Variants in ACOX1 observed in about 807,000 individuals in gnomAD.
The protein encoded by ACOX1 is peroxisomal acyl-coenzyme A oxidase 1.
In ACOX1, 41 loss-of-function variants were observed where a neutral mutation model predicts 75.5. The observed-to-expected ratio is 0.54, with a 90% CI of 0.42 to 0.70. The LOEUF (loss-of-function observed/expected upper bound fraction) is 0.70, where lower values mean the gene tolerates loss of function less well. ACOX1 is among the 30% of genes least tolerant of loss of function. The pLI is 0.00. For synonymous variants in ACOX1, 303 were observed against 298.8 expected (o/e 1.01, Z -0.15); for missense variants, 630 against 837.5 (o/e 0.75, Z 3.06).
intron 2 of ACOX1, chr17:75,973,490 A>C: frequency 1.1e-6 from 1 of 941,338 alleles, no homozygotes; most frequent in Non-Finnish European, 1.7e-6. Context: ...GGAGAAAACA[A>C]GAAGTTGAAT....
rs1567870520 is a variant in ACOX1, at chr17:75,945,788, T to A, written c.*960A>T. On this transcript the variant is annotated 3_prime_UTR_variant, in exon 14 of 14. Transcript: ENST00000293217. ...TTTGTTTTTGTTTTTTCCCAGTTGTTAAAAAAAAAACAACTCACAGTTTCA... is the reference window on the plus strand; with the variant it reads ...TTTGTTTTTGTTTTTTCCCAGTTGTAAAAAAAAAAACAACTCACAGTTTCA... 6.7e-6 allele frequency: 1 copy of A among 149,352 alleles called. No homozygotes were observed. Among genetic ancestry groups the A allele is most frequent in the East Asian group, 2.0e-4 (1 of 5,092 alleles). 9.3% of individuals were successfully genotyped at this position (149,352 alleles called of 1,614,324 possible).
rs1337083450 is a variant in ACOX1, at chr17:75,953,492, G to A, written c.903C>T (p.Ile301=). 10 of 1,614,138 alleles carry A rather than the reference G, an allele frequency of 6.2e-6. No individual in the cohort carries two copies. The highest frequency in any genetic ancestry group is 8.5e-6 in the Non-Finnish European group (10 of 1,180,014). ...ACTGGTGCCTCACAGCGCTGTATCG[G>A]ATGGCAATGGTGCACGCCTTAGACA... ...RALSKACTIA[I]RYSAVRHQSE... Residue 301 remains isoleucine (I), a synonymous_variant, in exon 7 of 14, where the codon ATC becomes ATT. Transcript: ENST00000293217.
In ACOX1 at chr17:75,949,318, G is replaced by T. The variant is rs1256555093; in HGVS notation, c.1627C>A (p.Leu543Ile). 1.2e-6 allele frequency: 2 copies of T among 1,614,170 alleles called. No individual in the cohort carries two copies. Among genetic ancestry groups the T allele is most frequent in the Admixed American group, 3.3e-5 (2 of 60,020 alleles). Reference protein sequence around the residue: ...YVVVKLFSEKLLKIQDKAIQA... With the variant: ...YVVVKLFSEKILKIQDKAIQA... ...ATGGCTTTATCTTGAATTTTGAGGA[G>T]TTTTTCTGAAAAGAGCTTAACTACC... Residue 543 changes from leucine (L) to isoleucine (I), a missense_variant, in exon 12 of 14, where the codon CTC becomes ATC. Leu to Ile is a conservative substitution (Grantham distance 5). Coordinates refer to ENST00000293217, the MANE Select transcript of ACOX1 (RefSeq NM_004035.7).
chr17:75,945,953 A>C lies in ACOX1; in HGVS notation c.*795T>G, dbSNP rs2144225431. On this transcript the variant is annotated 3_prime_UTR_variant, in exon 14 of 14. Transcript: ENST00000293217. ...TCCAAGCTTTTAATGGCTTATGCCAAGATGACAGAATATGTGAAATCTGAT... is the reference window on the plus strand; with the variant it reads ...TCCAAGCTTTTAATGGCTTATGCCACGATGACAGAATATGTGAAATCTGAT... 1 of 152,320 alleles carries C rather than the reference A, an allele frequency of 6.6e-6. No individual in the cohort carries two copies. The highest frequency in any genetic ancestry group is 2.4e-5 in the African/African-American group (1 of 41,566). 9.4% of individuals were successfully genotyped at this position (152,320 alleles called of 1,614,324 possible). A position where few individuals can be genotyped will look rare whatever the true frequency, so the allele number is the denominator to read the frequency against.
At chr17:75,963,905 C>T (rs1402849496) in intron 2 of ACOX1, among the ~76,000 whole-genome samples, 9 of 150,710 alleles carry the variant, frequency 6.0e-5, no homozygotes, top group Non-Finnish European at 1.2e-4. Flanking sequence ...AAAAAAAGGC[C>T]AGGCACGGTG....
rs1194063214 is a variant in ACOX1, at chr17:75,949,359, G to A, written c.1586C>T (p.Ala529Val). 1.9e-6 allele frequency: 3 copies of A among 1,613,974 alleles called. No individual in the cohort carries two copies. Among genetic ancestry groups the A allele is most frequent in the Non-Finnish European group, 2.5e-6 (3 of 1,180,028 alleles). ...CTTAACTACCACATAGTGGCAATGTGCCTAAGATTAAAAAGAAAACACCAG... is the reference window on the plus strand; with the variant it reads ...CTTAACTACCACATAGTGGCAATGTACCTAAGATTAAAAAGAAAACACCAG... ...TSVDLVRASE[A>V]HCHYVVVKLF... Residue 529 changes from alanine to valine, a missense_variant and splice_region_variant, in exon 12 of 14, where the codon GCA becomes GTA. By Grantham distance (64) the Ala-to-Val change is moderately conservative. Coordinates refer to ENST00000293217, the MANE Select transcript of ACOX1 (RefSeq NM_004035.7).
intron 2 of ACOX1, among the ~76,000 whole-genome samples, chr17:75,967,236 C>G (rs564554080): frequency 6.6e-6 from 1 of 151,882 alleles, no homozygotes; most frequent in South Asian, 2.1e-4. Flanking sequence ...TTTGGGAGAC[C>G]GAGGCGGGTG....
intron 13 of ACOX1, 94 bp from the exon 14 acceptor site, chr17:75,946,889 G>C: frequency 1.7e-6 from 2 of 1,161,806 alleles, no homozygotes; most frequent in Admixed American, 2.0e-5. Context: ...TTTTTTTTGA[G>C]ACTGAGTCCT....
At position 75,946,746 on chromosome 17, in the gene ACOX1, C is replaced by T. The variant is rs756811890; in HGVS notation, c.*2G>A. On this transcript the variant is annotated 3_prime_UTR_variant, in exon 14 of 14. Transcript: ENST00000293217. The stretch of plus-strand genomic sequence containing the variant: ...GCAGATTAAACTTGTCCTTGTGACA[C>T]TTCAGAGCTTGGACTGCAGTGACTT... 6.2e-7 allele frequency: 1 copy of T among 1,613,830 alleles called. No homozygotes were observed. Among genetic ancestry groups the T allele is most frequent in the African/African-American group, 1.3e-5 (1 of 74,942 alleles).
intron 2 of ACOX1, among the ~76,000 whole-genome samples, chr17:75,963,530 C>A (rs985805354): frequency 1.1e-4 from 17 of 151,698 alleles, no homozygotes; most frequent in South Asian, 2.1e-4. Flanking sequence ...TGAAACCCCT[C>A]TCTACTAAAA....
chr17:75,945,354 C>T lies in ACOX1; in HGVS notation c.*1394G>A, dbSNP rs948475108. 6.6e-6 allele frequency: 1 copy of T among 152,026 alleles called. No homozygotes were observed. The highest frequency in any genetic ancestry group is 6.6e-5 in the Admixed American group (1 of 15,246). 9.4% of individuals were successfully genotyped at this position (152,026 alleles called of 1,614,324 possible). ...TTAACACAATTATCAATTAGTTCTC[C>T]CAGTGGAACGATTAAGGCTTTTGTC... On this transcript the variant is annotated 3_prime_UTR_variant, in exon 14 of 14. Coordinates refer to ENST00000293217, the MANE Select transcript of ACOX1 (RefSeq NM_004035.7).
rs550692532 is a variant in ACOX1 at position 75,948,576 on chromosome 17, CTGAG to C, written c.1729-123_1729-120del. On this transcript the variant is annotated intron_variant, in intron 12 of 13. Transcript: ENST00000293217. ...TTTTTTTCTTTTTTTTTTTTTGAGA[CTGAG>C]TTTCACTCTTGTTGCCCAGGCTGGA... The C allele has an allele frequency of 9.7e-5, 84 of 869,136 alleles. 1 individual carries two copies. In the South Asian group the frequency reaches 1.2e-3, roughly 13 times the overall value. 53.8% of individuals were successfully genotyped at this position (869,136 alleles called of 1,614,324 possible).
At chr17:75,968,866 G>A (rs554058098) in intron 2 of ACOX1, among the ~76,000 whole-genome samples, 14 of 150,798 alleles carry the variant, frequency 9.3e-5, no homozygotes, top group African/African-American at 3.4e-4. Flanking sequence ...AAGTTGCGGT[G>A]AGCCGAGATC....
chr17:75,971,752 A>G (rs1409027201), intron 2 of ACOX1, among the ~76,000 whole-genome samples: 1 of 151,946 alleles, frequency 6.6e-6, no homozygotes, highest in Non-Finnish European at 1.5e-5. Flanking sequence ...AAAAAAAAAA[A>G]AAAAAATTAG....
At chr17:75,973,626 G>C (rs3198448) in intron 2 of ACOX1, 3 of 1,614,134 alleles carry the variant, frequency 1.9e-6, no homozygotes, top group Non-Finnish European at 8.5e-7. Flanking sequence ...TGGACTAACC[G>C]TGGCCCATTT....
intron 4 of ACOX1, among the ~76,000 whole-genome samples, chr17:75,957,166 A>G (rs1413749347): frequency 6.6e-6 from 1 of 151,476 alleles, no homozygotes; most frequent in East Asian, 1.9e-4. Context: ...GCTCATTGCA[A>G]CCTTCCCGGG....
Position 75,948,422 on chromosome 17 carries a change from T to C in ACOX1, c.1764A>G (p.Val588=), listed in dbSNP as rs776472570. The C allele has an allele frequency of 2.0e-5, 32 of 1,614,090 alleles. No homozygotes were observed. The highest frequency in any genetic ancestry group is 2.6e-5 in the Non-Finnish European group (31 of 1,180,046). Residue 588 remains valine (V), a synonymous_variant, in exon 13 of 14, where the codon GTA becomes GTG. Coordinates refer to ENST00000293217, the MANE Select transcript of ACOX1 (RefSeq NM_004035.7). ...SIMTEPQITQ[V]NQRVKELLTL... is the part of the protein sequence containing the mutation. ...TGAGTAACTCCTTTACACGCTGGTT[T>C]ACTTGTGTAATCTGAGGCTCTGTCA... is the stretch of plus-strand genomic sequence containing the variant.
Position 75,957,459 on chromosome 17 carries a change from G to A in ACOX1, c.538C>T (p.Leu180Phe). 4 of 1,611,722 alleles carry A rather than the reference G, an allele frequency of 2.5e-6. No homozygotes were observed. Among genetic ancestry groups the A allele is most frequent in the East Asian group, 2.2e-5 (1 of 44,876 alleles). The change falls in exon 4 of 14, where the codon CTT (leucine) becomes TTT (phenylalanine). Residue 180 changes from leucine to phenylalanine, a missense_variant and splice_region_variant. This residue lies in a region of ACOX1 where 390 missense variants were observed against 574.9 expected (regional missense o/e 0.68). Coordinates refer to ENST00000293217, the MANE Select transcript of ACOX1 (RefSeq NM_004035.7). Reference sequence around the variant, plus strand: ...AATAAATGCTGAAAAATTCACTTACGCCCACCAGGCCACCATTTAATGGAG... The same window carrying A: ...AATAAATGCTGAAAAATTCACTTACACCCACCAGGCCACCATTTAATGGAG... ...VTSIKWWPGG[L>F]GKTSNHAIVL...
intron 7 of ACOX1, 51 bp downstream of exon 7, chr17:75,953,400 G>A: frequency 2.5e-6 from 4 of 1,599,284 alleles, no homozygotes; most frequent in Non-Finnish European, 3.4e-6. Flanking sequence ...GATCTGAATG[G>A]GGTAAAAACT....
Sources: allele counts gnomAD v4.1 joint callset (sites outside exome capture counted in the v4.1 genomes callset), GRCh38; gene constraint gnomAD v4.1.1; regional missense constraint gnomAD v4.1.1; transcripts MANE v1.5; gene names NCBI Gene and HGNC (gene_info 2026-07-23, HGNC 2026-07-21).